SORCS3: variants seen among roughly 807,000 people sequenced by gnomAD.
SORCS3 encodes the protein VPS10 domain-containing receptor SorCS3.
In SORCS3, 57 loss-of-function variants were observed where a neutral mutation model predicts 146.3. The ratio of observed to expected loss-of-function variants is 0.39; its 90% CI spans 0.31 to 0.49. The LOEUF (loss-of-function observed/expected upper bound fraction) is 0.49. Among genes scored for constraint, SORCS3 ranks in the 20% least tolerant of loss-of-function variants. The probability of loss-of-function intolerance (pLI) is 0.92; values close to 1 mark genes in which losing one functional copy is unlikely to be tolerated. For synonymous variants in SORCS3, 653 were observed against 618.5 expected, an observed-to-expected ratio of 1.06 and a Z score of -0.83; for missense variants, 1,341 against 1,575.5, an observed-to-expected ratio of 0.85 and a Z score of 2.52.
At chr10:105,181,555 A>C (rs1284595361) in intron 14 of SORCS3, among the ~76,000 whole-genome samples, 1 of 152,172 alleles carries the variant, frequency 6.6e-6, no homozygotes, top group African/African-American at 2.4e-5. Context: ...GGACATTTCT[A>C]ACACCGTAGC....
At chr10:104,991,896 A>G (rs1248739488) in intron 4 of SORCS3, among the ~76,000 whole-genome samples, 1 of 152,164 alleles carries the variant, frequency 6.6e-6, no homozygotes, top group Non-Finnish European at 1.5e-5. Flanking sequence ...CCCAGTCTCC[A>G]TATATAGTAA....
intron 2 of SORCS3, among the ~76,000 whole-genome samples, chr10:104,856,680 C>A (rs2018337870): frequency 6.9e-6 from 1 of 145,742 alleles, no homozygotes; most frequent in Non-Finnish European, 1.5e-5. Context: ...TGTCATATAA[C>A]AGTGGTCTCT....
rs375213082 is a variant in SORCS3 at position 104,871,726 on chromosome 10, A to G, written c.695+28867A>G. Among the ~76,000 whole-genome samples the G allele has an allele frequency of 3.9e-5, 6 of 152,254 alleles. No individual in the cohort carries two copies. The South Asian group carries it at 1.2e-3, about 32-fold the overall frequency. On this transcript the variant is annotated intron_variant, in intron 2 of 26. Transcript: ENST00000369701. ...GAATCCTTTCTATCAATATTTGTGA[A>G]TTGAGCCTGAGGTACACGTGCCCCT...
At chr10:104,952,693 GCTCC>G (rs1249201296) in intron 3 of SORCS3, among the ~76,000 whole-genome samples, 2 of 151,994 alleles carry the variant, frequency 1.3e-5, no homozygotes, top group Non-Finnish European at 2.9e-5. Flanking sequence ...CTATATCCCT[GCTCC>G]TCCAGCCTAA....
At chr10:104,909,463 C>T (rs1456048486) in intron 2 of SORCS3, among the ~76,000 whole-genome samples, 1 of 152,006 alleles carries the variant, frequency 6.6e-6, no homozygotes, top group African/African-American at 2.4e-5. Flanking sequence ...AGATTGTATC[C>T]CTCAGAAGGC....
chr10:105,059,240 C>T (rs556842892), intron 5 of SORCS3, among the ~76,000 whole-genome samples: 1 of 152,306 alleles, frequency 6.6e-6, no homozygotes, highest in African/African-American at 2.4e-5. Context: ...GCTTGAAATA[C>T]ACAGTGGAAA....
In SORCS3 at chr10:105,028,176, A is replaced by T. The variant is rs192906259; in HGVS notation, c.955-14879A>T. 1.2e-3 allele frequency among the ~76,000 whole-genome samples: 190 copies of T among 152,260 alleles called. 2 individuals are homozygous for T. Among genetic ancestry groups the T allele is most frequent in the Non-Finnish European group, 1.7e-3 (113 of 68,032 alleles). On this transcript the variant is annotated intron_variant, in intron 4 of 26. Transcript: ENST00000369701. ...GGTTTTCTTATTGCCCATTTCTCTC[A>T]TTACCATGTAAACTCCATGGAGTCA...
intron 1 of SORCS3, among the ~76,000 whole-genome samples, chr10:104,793,680 G>T (rs2017518825): frequency 6.6e-6 from 1 of 152,162 alleles, no homozygotes; most frequent in South Asian, 2.1e-4. Context: ...CATGAACCAG[G>T]ACAGTGACAC....
chr10:105,172,150 C>T (rs1392323524), intron 13 of SORCS3, among the ~76,000 whole-genome samples: 2 of 152,070 alleles, frequency 1.3e-5, no homozygotes, highest in African/African-American at 2.4e-5. Context: ...TACAGAGTTA[C>T]GTATGATTTT....
chr10:104,753,545 A>G (rs1384817150), intron 1 of SORCS3, among the ~76,000 whole-genome samples: 1 of 152,242 alleles, frequency 6.6e-6, no homozygotes, highest in African/African-American at 2.4e-5. Context: ...AGCAACACTT[A>G]GCTTTTAATC....
chr10:104,970,551 A>G (rs1346409314), intron 3 of SORCS3, among the ~76,000 whole-genome samples: 2 of 151,722 alleles, frequency 1.3e-5, no homozygotes, highest in Admixed American at 6.6e-5. Flanking sequence ...CCCTACCCCT[A>G]CCCCTTCATA....
intron 5 of SORCS3, among the ~76,000 whole-genome samples, chr10:105,051,947 C>G (rs1184031672): frequency 6.6e-6 from 1 of 152,042 alleles, no homozygotes; most frequent in Admixed American, 6.6e-5. Context: ...TGGGGGCTAC[C>G]CATGCTGTAT....
intron 7 of SORCS3, among the ~76,000 whole-genome samples, chr10:105,114,347 G>A (rs2055879395): frequency 6.6e-6 from 1 of 152,130 alleles, no homozygotes; most frequent in South Asian, 2.1e-4. Flanking sequence ...TCTAGAGGTA[G>A]GAAGAAAGCA....
intron 1 of SORCS3, among the ~76,000 whole-genome samples, chr10:104,775,567 G>A (rs114681474): frequency 2.6e-5 from 4 of 152,166 alleles, no homozygotes; most frequent in Non-Finnish European, 5.9e-5. Flanking sequence ...AAAGCCAATG[G>A]CCAGTGTGCT....
At chr10:105,117,482 C>T (rs926442805) in intron 7 of SORCS3, among the ~76,000 whole-genome samples, 2 of 152,138 alleles carry the variant, frequency 1.3e-5, no homozygotes, top group Non-Finnish European at 2.9e-5. Flanking sequence ...ATTTCCATCC[C>T]TCTTCTCAAG....
rs138704757 is a variant in SORCS3 at position 104,884,947 on chromosome 10, A to G, written c.696-30886A>G. ...AGCATCTCTTTCATTTTTTGCTTCT[A>G]GATTGTTTTTCTCACACTATTTATT... On this transcript the variant is annotated intron_variant, in intron 2 of 26. Coordinates refer to ENST00000369701, the MANE Select transcript of SORCS3 (RefSeq NM_014978.3). 3.3e-3 allele frequency among the ~76,000 whole-genome samples: 506 copies of G among 151,730 alleles called. 2 individuals are homozygous for G. Among genetic ancestry groups the G allele is most frequent in the South Asian group, 0.018 (88 of 4,806 alleles).
At chr10:105,192,000 A>G (rs1238415811) in intron 14 of SORCS3, among the ~76,000 whole-genome samples, 2 of 152,188 alleles carry the variant, frequency 1.3e-5, no homozygotes, top group African/African-American at 2.4e-5. Context: ...AATATTTGCA[A>G]TTAAATTAGA....
At chr10:105,043,204 ACAGTTG>A in intron 5 of SORCS3, 76 bp downstream of exon 5, 1 of 1,306,742 alleles carries the variant, frequency 7.7e-7, no homozygotes, top group South Asian at 1.2e-5. Context: ...ACAGCTCTGG[ACAGTTG>A]CAGTTCTTGC....
At chr10:104,951,902 A>G (rs956802164) in intron 3 of SORCS3, among the ~76,000 whole-genome samples, 7 of 152,102 alleles carry the variant, frequency 4.6e-5, no homozygotes, top group Admixed American at 3.9e-4. Flanking sequence ...TGTGCTATGT[A>G]TGTCATATAC....
Sources: allele counts gnomAD v4.1 joint callset (sites outside exome capture counted in the v4.1 genomes callset), GRCh38; gene constraint gnomAD v4.1.1; transcripts MANE v1.5; gene names NCBI Gene and HGNC (gene_info 2026-07-23, HGNC 2026-07-21).